Variants in EMG1 observed in about 807,000 individuals in gnomAD.
EMG1 encodes EMG1 N1-specific pseudouridine methyltransferase.
Under a neutral mutation model 26.9 loss-of-function variants are expected in EMG1, and 24 were observed. The observed-to-expected ratio is 0.89, with a 90% CI of 0.65 to 1.26. The LOEUF is 1.26. Ranked by LOEUF, EMG1 falls within the 50% of genes most tolerant of loss-of-function variation. The probability of loss-of-function intolerance (pLI) is 0.00; values close to 1 mark genes in which losing one functional copy is unlikely to be tolerated. For synonymous variants in EMG1, 140 were observed against 112.6 expected (o/e 1.24, Z -1.54); for missense variants, 299 against 307.6 (o/e 0.97, Z 0.21).
chr12:6,970,948 A>G lies in EMG1; in HGVS notation c.25A>G (p.Lys9Glu). Residue 9 changes from lysine to glutamate, a missense_variant, in exon 1 of 6, where the codon AAG becomes GAG. By Grantham distance (56) the Lys-to-Glu change is moderately conservative. Transcript: ENST00000599672. ...GATGGCCGCGCCCAGTGATGGATTC[A>G]AGCCTCGTGAACGAAGCGGTGGGGA... MAAPSDGF[K>E]PRERSGGEQA... The G allele has an allele frequency of 6.2e-7, 1 of 1,613,150 alleles. No homozygotes were observed.
At chr12:6,992,298 A>G (rs1454289325), downstream of EMG1, among the ~76,000 whole-genome samples, 8 of 150,720 alleles carry the variant, frequency 5.3e-5, no homozygotes, top group Admixed American at 4.0e-4. Context: ...CCCCCACCGC[A>G]CTCTAGCCTG....
At chr12:6,982,729 G>A (rs1946483485), downstream of EMG1, 1 of 1,614,056 alleles carries the variant, frequency 6.2e-7, no homozygotes, top group Non-Finnish European at 8.5e-7. Context: ...CCCATTAGTC[G>A]AAGGATGAGG....
At position 6,979,625 on chromosome 12, in the gene EMG1, A is replaced by G. The variant is rs782269664; in HGVS notation, c.*3816A>G. 1 of 1,331,772 alleles carries G rather than the reference A, an allele frequency of 7.5e-7. No homozygotes were observed. The highest frequency in any genetic ancestry group is 1.1e-6 in the Non-Finnish European group (1 of 923,938). 82.5% of individuals were successfully genotyped at this position (1,331,772 alleles called of 1,614,324 possible). On this transcript the variant is annotated 3_prime_UTR_variant, in exon 6 of 6. Coordinates refer to ENST00000599672, the MANE Select transcript of EMG1 (RefSeq NM_006331.8). ...TTCCTGGTCACAGAGAGCAGAGACT[A>G]TTCCCTTCACCCTCTGACCTTCAGT...
In EMG1 at chr12:6,977,066, G is replaced by GT. The variant is rs1565595726; in HGVS notation, c.*1264dup. ...TTCACCCCAGATTTCTAATACTATT[G>GT]TTTTTTTCCAGTCTGTTGCTCTATT... On this transcript the variant is annotated 3_prime_UTR_variant, in exon 6 of 6. Transcript: ENST00000599672. This position sits in a 1 kb window ranked among gnomAD's most constrained non-coding sequence, Gnocchi z 4.5. 3 of 995,100 alleles carry GT rather than the reference G, an allele frequency of 3.0e-6. No individual in the cohort carries two copies. The highest frequency in any genetic ancestry group is 1.6e-6 in the Non-Finnish European group (1 of 630,612). The allele number at this position is 995,100 out of a possible 1,614,324, so 61.6% of individuals were successfully genotyped here. A position where few individuals can be genotyped will look rare whatever the true frequency, so the allele number is the denominator to read the frequency against.
chr12:6,977,232 T>C lies in EMG1; in HGVS notation c.*1423T>C. 6.2e-7 allele frequency: 1 copy of C among 1,614,058 alleles called. No individual in the cohort carries two copies. The highest frequency in any genetic ancestry group is 1.1e-5 in the South Asian group (1 of 91,080). On this transcript the variant is annotated 3_prime_UTR_variant, in exon 6 of 6. Transcript: ENST00000599672. This position sits in a 1 kb window ranked among gnomAD's most constrained non-coding sequence, Gnocchi z 4.5. ...ATGAATAGTAGGCTCAGGAAGAAGA[T>C]GTGGCCAAGGAAATAGATGGATTTA...
At chr12:6,972,821 TC>T (rs782319741) in intron 1 of EMG1, among the ~76,000 whole-genome samples, 11 of 152,164 alleles carry the variant, frequency 7.2e-5, no homozygotes, top group Non-Finnish European at 1.5e-4. Flanking sequence ...AAATTTCCTT[TC>T]TTCGTTTCCA....
downstream of EMG1, among the ~76,000 whole-genome samples, chr12:6,989,086 G>A (rs868952280): frequency 2.6e-5 from 4 of 151,274 alleles, no homozygotes; most frequent in African/African-American, 9.7e-5. Flanking sequence ...TCACGCCATT[G>A]CACTCCAGCC....
chr12:6,981,767 G>A, downstream of EMG1: 1 of 1,522,820 alleles, frequency 6.6e-7, no homozygotes, highest in Non-Finnish European at 9.1e-7. Flanking sequence ...TGAGATGGGG[G>A]AGGGACCTAC....
intron 1 of EMG1, among the ~76,000 whole-genome samples, chr12:6,973,005 T>A (rs1305456883): frequency 1.5e-5 from 1 of 66,678 alleles, no homozygotes; most frequent in Non-Finnish European, 3.6e-5. Flanking sequence ...GCCTGGCTAA[T>A]TTTTTTTTTT....
chr12:6,974,428 T>C lies in EMG1; in HGVS notation c.258T>C (p.Asp86=), dbSNP rs782126371. ...NGRDPGEARP[D]ITHQSLLMLM... ...GGGACCCTGGGGAAGCGCGGCCAGA[T>C]ATCACCCACCAGGTAACTCCAGGGA... The change falls in exon 2 of 6, where the codon GAT becomes GAC. Residue 86 remains aspartate (D), a synonymous_variant. Transcript: ENST00000599672. 16 of 1,613,692 alleles carry C rather than the reference T, an allele frequency of 9.9e-6. No individual in the cohort carries two copies. Among genetic ancestry groups the C allele is most frequent in the East Asian group, 8.9e-5 (4 of 44,884 alleles).
rs979315730 is a variant in EMG1, at chr12:6,987,446, C to G, written c.*155-336C>G. 6.6e-6 allele frequency among the ~76,000 whole-genome samples: 1 copy of G among 152,194 alleles called. No individual in the cohort carries two copies. Among genetic ancestry groups the G allele is most frequent in the Admixed American group, 6.5e-5 (1 of 15,278 alleles). ...TGAGCAAGGAAATAGGATCAAGTCTCATATATTTCACATGGGCAGAAATTT... is the reference window on the plus strand; with the variant it reads ...TGAGCAAGGAAATAGGATCAAGTCTGATATATTTCACATGGGCAGAAATTT... On this transcript the variant is annotated intron_variant and NMD_transcript_variant, in intron 6 of 7. Transcript: ENST00000261406. This position sits in a 1 kb window ranked among gnomAD's most constrained non-coding sequence, Gnocchi z 4.1.
chr12:6,972,572 T>C (rs1490691033), intron 1 of EMG1, among the ~76,000 whole-genome samples: 1 of 152,206 alleles, frequency 6.6e-6, no homozygotes, highest in Non-Finnish European at 1.5e-5. Context: ...AAATTGCAAC[T>C]TGGAATTATT....
downstream of EMG1, among the ~76,000 whole-genome samples, chr12:6,992,056 G>A (rs1035511454): frequency 1.3e-5 from 2 of 151,972 alleles, no homozygotes; most frequent in Middle Eastern, 3.2e-3. Flanking sequence ...GCTGGGTGTG[G>A]TGGTGCATAC....
rs369617092 is a variant in EMG1 at position 6,970,978 on chromosome 12, G to T, written c.55G>T (p.Ala19Ser). ...TCGTGAACGAAGCGGTGGGGAGCAG[G>T]CACAGGACTGGGATGCTCTGCCACC... ...KPRERSGGEQAQDWDALPPKR... is the reference protein window; with the variant it reads ...KPRERSGGEQSQDWDALPPKR... Residue 19 changes from alanine to serine, a missense_variant, in exon 1 of 6, where the codon GCA becomes TCA. By Grantham distance (99) the Ala-to-Ser change is moderately conservative. Coordinates refer to ENST00000599672, the MANE Select transcript of EMG1 (RefSeq NM_006331.8). The T allele has an allele frequency of 6.2e-6, 10 of 1,612,728 alleles. No individual in the cohort carries two copies. The South Asian group carries it at 9.9e-5, about 16-fold the overall frequency.
At chr12:6,990,459 A>G (rs2138342199), downstream of EMG1, among the ~76,000 whole-genome samples, 1 of 145,192 alleles carries the variant, frequency 6.9e-6, no homozygotes, top group South Asian at 2.2e-4. Context: ...CAGTGAGCCG[A>G]GATTGTGCCA....
At position 6,987,333 on chromosome 12, in the gene EMG1, T is replaced by C. The variant is rs1445610093; in HGVS notation, c.*155-449T>C. 6.6e-6 allele frequency among the ~76,000 whole-genome samples: 1 copy of C among 152,212 alleles called. No individual in the cohort carries two copies. Among genetic ancestry groups the C allele is most frequent in the African/African-American group, 2.4e-5 (1 of 41,440 alleles). ...TTGGGTAGGAGGTGGCATGTGATGG[T>C]TCGTTTTCTAGCTGGCTGAGATGAT... On this transcript the variant is annotated intron_variant and NMD_transcript_variant, in intron 6 of 7. Coordinates refer to the EMG1 transcript ENST00000261406. The surrounding 1 kb of genome is among the most constrained non-coding windows in gnomAD (Gnocchi z 4.1).
downstream of EMG1, chr12:6,983,670 T>C (rs1485796628): frequency 6.3e-6 from 4 of 633,188 alleles, no homozygotes; most frequent in African/African-American, 1.9e-5. Flanking sequence ...ATTATATGGA[T>C]GGCAACAGAG....
downstream of EMG1, chr12:6,983,560 GAA>G (rs1555154429): frequency 6.7e-7 from 1 of 1,495,070 alleles, no homozygotes; most frequent in East Asian, 2.3e-5. Context: ...GAAAAGATAA[GAA>G]GAGTGTTATT....
In EMG1 at chr12:6,977,900, C is replaced by T; in HGVS notation, c.*2091C>T. 1.2e-6 allele frequency: 1 copy of T among 850,892 alleles called. No homozygotes were observed. The highest frequency in any genetic ancestry group is 1.8e-6 in the Non-Finnish European group (1 of 546,618). 52.7% of individuals were successfully genotyped at this position (850,892 alleles called of 1,614,324 possible). ...TACAGGAGGCAGTGCTGACTGATTA[C>T]TTTTAGAGATGGAAAGCAGACCCAA... On this transcript the variant is annotated 3_prime_UTR_variant, in exon 6 of 6. Coordinates refer to ENST00000599672, the MANE Select transcript of EMG1 (RefSeq NM_006331.8). This position sits in a 1 kb window ranked among gnomAD's most constrained non-coding sequence, Gnocchi z 4.5.
Sources: gnomAD v4.1 joint callset for allele counts (sites outside exome capture counted in the v4.1 genomes callset) on GRCh38, gnomAD v4.1.1 for gene constraint, Gnocchi (gnomAD v3.1) non-coding constraint, MANE v1.5 for transcripts, NCBI Gene and HGNC (gene_info 2026-07-23, HGNC 2026-07-21) for gene names.